PDE1C: variants seen among roughly 807,000 people sequenced by gnomAD.
PDE1C encodes phosphodiesterase 1C, also known as dual specificity calcium/calmodulin-dependent 3',5'-cyclic nucleotide phosphodiesterase 1C.
Under a neutral mutation model 93.1 loss-of-function variants are expected in PDE1C, and 62 were observed. That is an observed-to-expected ratio of 0.67 (90% confidence interval 0.54 to 0.82). The LOEUF is 0.82. Ranked by LOEUF, PDE1C falls within the 40% of genes least tolerant of loss-of-function variation. PDE1C has a pLI of 0.00. For missense variants in PDE1C, 742 were observed against 884.6 expected (o/e 0.84, Z 2.04); for synonymous variants, 325 against 310.1 (o/e 1.05, Z -0.50).
chr7:32,054,012 A>G (rs2128693465), intron 1 of PDE1C, among the ~76,000 whole-genome samples: 1 of 152,160 alleles, frequency 6.6e-6, no homozygotes, highest in East Asian at 2.0e-4. Flanking sequence ...TCATGGTCTC[A>G]AACCAGTCCA....
chr7:31,765,104 C>T (rs1250932394), intron 17 of PDE1C, among the ~76,000 whole-genome samples: 1 of 152,148 alleles, frequency 6.6e-6, no homozygotes, highest in Non-Finnish European at 1.5e-5. Context: ...CTACTGGTCT[C>T]ATGATAATAT....
intron 6 of PDE1C, among the ~76,000 whole-genome samples, chr7:31,866,398 T>C (rs2128843946): frequency 6.6e-6 from 1 of 152,288 alleles, no homozygotes; most frequent in Non-Finnish European, 1.5e-5. Context: ...CTTGGGTTGT[T>C]TCACAGAGAT....
chr7:31,811,164 C>G (rs918228016), intron 15 of PDE1C, among the ~76,000 whole-genome samples: 2 of 152,040 alleles, frequency 1.3e-5, no homozygotes, highest in African/African-American at 4.8e-5. Context: ...ATGAATAAGT[C>G]TCACGAGGTC....
At chr7:31,996,882 T>C (rs767350502) in intron 2 of PDE1C, among the ~76,000 whole-genome samples, 3 of 152,288 alleles carry the variant, frequency 2.0e-5, no homozygotes, top group African/African-American at 4.8e-5. Flanking sequence ...GAGGTGATAG[T>C]ACCAGATATC....
intron 2 of PDE1C, among the ~76,000 whole-genome samples, chr7:31,914,072 C>T (rs1259302473): frequency 1.3e-5 from 2 of 152,272 alleles, no homozygotes; most frequent in African/African-American, 4.8e-5. Context: ...TATAAATTCA[C>T]ATAAACATAA....
At chr7:32,309,875 A>G (rs1445376513) in intron 1 of PDE1C, among the ~76,000 whole-genome samples, 4 of 152,342 alleles carry the variant, frequency 2.6e-5, no homozygotes, top group East Asian at 3.9e-4. Context: ...CATCATAATG[A>G]CAGGACCAAA....
At chr7:32,052,281 T>A (rs1309866132) in intron 1 of PDE1C, 5 of 479,612 alleles carry the variant, frequency 1.0e-5, no homozygotes, top group Non-Finnish European at 2.1e-5. Context: ...TTTACAGTCA[T>A]TTAGCCTTGG....
In PDE1C at chr7:32,055,650, T is replaced by C. The variant is rs774911918; in HGVS notation, c.102-4070A>G. ...CTGGAAAAAAAACCCCAGTTTATTC[T>C]TGGCCTTCTATTTTTAAGAACTTCA... is the stretch of plus-strand genomic sequence containing the variant. On this transcript the variant is annotated intron_variant, in intron 1 of 17. Coordinates refer to ENST00000396191, the MANE Select transcript of PDE1C (RefSeq NM_001191057.4). 5.3e-5 allele frequency among the ~76,000 whole-genome samples: 8 copies of C among 152,228 alleles called. No homozygotes were observed. The South Asian group carries it at 8.3e-4, about 16-fold the overall frequency.
At chr7:32,373,822 T>G (rs1280335345) in intron 1 of PDE1C, among the ~76,000 whole-genome samples, 1 of 152,016 alleles carries the variant, frequency 6.6e-6, no homozygotes, top group African/African-American at 2.4e-5. Context: ...AGCCCATCTC[T>G]TCTAAAAATA....
intron 16 of PDE1C, among the ~76,000 whole-genome samples, chr7:31,777,338 T>C (rs1262157542): frequency 2.6e-5 from 4 of 151,994 alleles, no homozygotes; most frequent in Admixed American, 2.0e-4. Flanking sequence ...ATTTTATTTA[T>C]TTATTTTTGA....
upstream of PDE1C, among the ~76,000 whole-genome samples, chr7:32,076,004 C>G (rs1387700751): frequency 6.6e-6 from 1 of 152,104 alleles, no homozygotes; most frequent in Admixed American, 6.5e-5. Context: ...CCCTAATGTT[C>G]CATCAACAGA....
intron 17 of PDE1C, among the ~76,000 whole-genome samples, chr7:31,771,994 C>T (rs966199425): frequency 4.1e-5 from 6 of 146,756 alleles, no homozygotes; most frequent in Admixed American, 1.4e-4. Context: ...TGCAGTGAGC[C>T]GAGATAGCGC....
At chr7:32,005,555 CAAAAAAAAAAAA>C (rs59246166) in intron 2 of PDE1C, among the ~76,000 whole-genome samples, 14,626 of 51,146 alleles carry the variant, frequency 0.29, 1,387 homozygotes, top group South Asian at 0.39. Flanking sequence ...GACTCCATTT[CAAAAAAAAAAAA>C]AAAAAAAAAA....
chr7:32,041,210 T>C (rs1371351029), intron 2 of PDE1C, among the ~76,000 whole-genome samples: 1 of 152,184 alleles, frequency 6.6e-6, no homozygotes, highest in Non-Finnish European at 1.5e-5. Flanking sequence ...AAGAAACAGA[T>C]TCCAGTAGGC....
In PDE1C at chr7:32,371,556, C is replaced by T. The variant is rs866162414; in HGVS notation, c.310+56266G>A. Among the ~76,000 whole-genome samples the T allele has an allele frequency of 5.9e-5, 9 of 152,126 alleles. No homozygotes were observed. In the South Asian group the frequency reaches 8.3e-4, roughly 14 times the overall value. On this transcript the variant is annotated intron_variant, in intron 1 of 1. Coordinates refer to the PDE1C transcript ENST00000672256. The stretch of plus-strand genomic sequence containing the variant: ...ACTGAATGAAGGGCATGGATGGGTA[C>T]CATGGTGATTTCAAAAAATGGCTGG...
intron 2 of PDE1C, among the ~76,000 whole-genome samples, chr7:31,915,617 G>C (rs1801789565): frequency 6.6e-6 from 1 of 152,154 alleles, no homozygotes; most frequent in South Asian, 2.1e-4. Context: ...TAACTTCTCT[G>C]TGTCTTGGTT....
intron 3 of PDE1C, among the ~76,000 whole-genome samples, chr7:32,161,202 T>G (rs1801898390): frequency 6.6e-6 from 1 of 152,122 alleles, no homozygotes; most frequent in African/African-American, 2.4e-5. Flanking sequence ...CAGAAAAATT[T>G]GTATCTAATG....
intron 1 of PDE1C, among the ~76,000 whole-genome samples, chr7:32,339,326 T>C (rs1193036204): frequency 6.6e-6 from 1 of 151,930 alleles, no homozygotes; most frequent in African/African-American, 2.4e-5. Context: ...AAACCAAAAG[T>C]AGAATCGTGG....
chr7:32,341,173 C>CTATTTTTTTTTTTTTTTTT (rs796122014), intron 1 of PDE1C, among the ~76,000 whole-genome samples: 30 of 84,954 alleles, frequency 3.5e-4, no homozygotes, highest in African/African-American at 1.3e-3. Flanking sequence ...GAAATAAAGT[C>CTATTTTTTTTTTTTTTTTT]TTTTTTTTTT....
Sources: allele counts gnomAD v4.1 joint callset (sites outside exome capture counted in the v4.1 genomes callset), GRCh38; gene constraint gnomAD v4.1.1; transcripts MANE v1.5; gene names NCBI Gene and HGNC (gene_info 2026-07-23, HGNC 2026-07-21).